FGF1: variants seen among roughly 807,000 people sequenced by gnomAD.
FGF1 encodes fibroblast growth factor 1, also known as beta-endothelial cell growth factor.
Under a neutral mutation model 13.4 loss-of-function variants are expected in FGF1, and 9 were observed. The observed-to-expected ratio is 0.67, with a 90% CI of 0.40 to 1.17. The LOEUF (loss-of-function observed/expected upper bound fraction) is 1.17. Ranked by LOEUF, FGF1 falls within the 50% of genes most tolerant of loss-of-function variation. The probability of loss-of-function intolerance (pLI) is 0.01; values close to 1 mark genes in which losing one functional copy is unlikely to be tolerated. For missense variants in FGF1, 156 were observed against 192.7 expected (o/e 0.81, Z 1.13); for synonymous variants, 93 against 79.0 (o/e 1.18, Z -0.94).
At chr5:142,602,145 A>G (rs546872209) in intron 2 of FGF1, among the ~76,000 whole-genome samples, 2 of 146,888 alleles carry the variant, frequency 1.4e-5, no homozygotes, top group South Asian at 2.1e-4. Context: ...GTAGATCTCG[A>G]CCCCTCATTG....
chr5:142,674,843 C>T (rs943351166), intron 1 of FGF1, among the ~76,000 whole-genome samples: 5 of 152,254 alleles, frequency 3.3e-5, no homozygotes, highest in East Asian at 3.9e-4. Context: ...ACTCCACACC[C>T]CTCCTCTGCC....
chr5:142,602,337 C>T (rs1203856321), intron 2 of FGF1, among the ~76,000 whole-genome samples: 2 of 151,964 alleles, frequency 1.3e-5, no homozygotes, highest in African/African-American at 2.4e-5. Context: ...CCACCATGCC[C>T]GGCTAATTTT....
chr5:142,634,211 A>G (rs1011444670), intron 1 of FGF1, among the ~76,000 whole-genome samples: 1 of 151,600 alleles, frequency 6.6e-6, no homozygotes, highest in African/African-American at 2.4e-5. Context: ...AAAAAAAAAA[A>G]AACTCCCTCT....
chr5:142,687,601 A>G (rs963723830), upstream of FGF1, among the ~76,000 whole-genome samples: 2 of 152,248 alleles, frequency 1.3e-5, no homozygotes, highest in Non-Finnish European at 2.9e-5. Context: ...GGGCCTTCTG[A>G]ATCCTTAAAG....
At position 142,595,249 on chromosome 5, in the gene FGF1, C is replaced by G. The variant is rs71640256; in HGVS notation, c.*41G>C. ...TTGGGTCAACCAGGTGAGGACCCCT[C>G]GAAACTTCTCTGGAGTGGTCAACAC... is the stretch of plus-strand genomic sequence containing the variant. On this transcript the variant is annotated 3_prime_UTR_variant, in exon 4 of 4. Transcript: ENST00000337706. The G allele has an allele frequency of 6.4e-7, 1 of 1,574,760 alleles. No individual in the cohort carries two copies. Among genetic ancestry groups the G allele is most frequent in the East Asian group, 2.2e-5 (1 of 44,540 alleles).
intron 1 of FGF1, among the ~76,000 whole-genome samples, chr5:142,657,668 G>T (rs1374062316): frequency 6.6e-6 from 1 of 152,228 alleles, no homozygotes; most frequent in Non-Finnish European, 1.5e-5. Flanking sequence ...CTGGCTGCTG[G>T]CTGCGGCTGC....
intron 2 of FGF1, among the ~76,000 whole-genome samples, chr5:142,608,587 CA>C (rs1758327613): frequency 1.2e-5 from 1 of 83,496 alleles, no homozygotes; most frequent in Non-Finnish European, 2.2e-5. Context: ...TATATATACA[CA>C]CACACACACA....
intron 1 of FGF1, among the ~76,000 whole-genome samples, chr5:142,624,076 T>C (rs970236657): frequency 2.0e-5 from 3 of 152,080 alleles, no homozygotes; most frequent in African/African-American, 7.2e-5. Flanking sequence ...CCCGCTACCA[T>C]ACCTGGCTAA....
chr5:142,681,754 G>A (rs947723137), intron 1 of FGF1, among the ~76,000 whole-genome samples: 1 of 152,166 alleles, frequency 6.6e-6, no homozygotes, highest in African/African-American at 2.4e-5. Flanking sequence ...GCCACTTGGT[G>A]GCTGTGTGAC....
rs192473755 is a variant in FGF1 at position 142,680,575 on chromosome 5, A to G, written c.-35+5382T>C. On this transcript the variant is annotated intron_variant, in intron 1 of 3. Transcript: ENST00000337706. ...CATAAAATGTGGGTAAAATAGTAAT[A>G]CCTCACTTATGGGATTGTTGTGAAG... 2.0e-5 allele frequency: 3 copies of G among 152,180 alleles called. No individual in the cohort carries two copies. In the East Asian group the frequency reaches 5.8e-4, roughly 29 times the overall value. 9.4% of individuals were successfully genotyped at this position (152,180 alleles called of 1,614,324 possible).
intron 1 of FGF1, among the ~76,000 whole-genome samples, chr5:142,618,929 G>GTTTTTTTTTTTTTT (rs869093279): frequency 6.5e-5 from 4 of 61,252 alleles, no homozygotes; most frequent in African/African-American, 1.4e-4. Flanking sequence ...TAGTTGTTTT[G>GTTTTTTTTTTTTTT]TTTTTTTTTT....
At chr5:142,692,781 A>T (rs1752446525) in intron 2 of FGF1, among the ~76,000 whole-genome samples, 1 of 152,082 alleles carries the variant, frequency 6.6e-6, no homozygotes, top group Admixed American at 6.6e-5. Flanking sequence ...TTTAACCCCA[A>T]ATTAAGAACT....
chr5:142,673,783 A>T (rs952016231), intron 1 of FGF1, among the ~76,000 whole-genome samples: 16 of 152,178 alleles, frequency 1.1e-4, no homozygotes, highest in Non-Finnish European at 2.1e-4. Context: ...TCTTTATAGG[A>T]GAATATCAAT....
chr5:142,642,904 T>G (rs1765421378), intron 1 of FGF1, among the ~76,000 whole-genome samples: 2 of 152,190 alleles, frequency 1.3e-5, no homozygotes, highest in African/African-American at 4.8e-5. Flanking sequence ...CATCAATGAA[T>G]GCCATGCATA....
rs116459128 is a variant in FGF1 at position 142,657,364 on chromosome 5, C to T, written c.-35+28593G>A. On this transcript the variant is annotated intron_variant, in intron 1 of 3. Transcript: ENST00000337706. Reference sequence around the variant, plus strand: ...CTTGCCCATCCACCTGCTCCCGCCCCGTTCTCTGCTTCTCTGCACAGCCCA... The same window carrying T: ...CTTGCCCATCCACCTGCTCCCGCCCTGTTCTCTGCTTCTCTGCACAGCCCA... 3.3e-3 allele frequency among the ~76,000 whole-genome samples: 507 copies of T among 152,344 alleles called. 4 individuals carry two copies. Among genetic ancestry groups the T allele is most frequent in the African/African-American group, 0.012 (487 of 41,576 alleles).
intron 1 of FGF1, among the ~76,000 whole-genome samples, chr5:142,632,534 G>A (rs941173831): frequency 6.6e-6 from 1 of 152,016 alleles, no homozygotes; most frequent in African/African-American, 2.4e-5. Flanking sequence ...AACCATAAGG[G>A]GATGATATAA....
At chr5:142,661,129 T>C (rs372893545) in intron 1 of FGF1, among the ~76,000 whole-genome samples, 3 of 152,358 alleles carry the variant, frequency 2.0e-5, no homozygotes, top group South Asian at 4.1e-4. Flanking sequence ...GCTCCACTCT[T>C]ACATTCATTC....
intron 1 of FGF1, among the ~76,000 whole-genome samples, chr5:142,615,063 CACTT>C (rs1759933128): frequency 6.6e-6 from 1 of 151,752 alleles, no homozygotes; most frequent in Non-Finnish European, 1.5e-5. Context: ...GAAAATGCAT[CACTT>C]ACACCTCAAA....
intron 1 of FGF1, among the ~76,000 whole-genome samples, chr5:142,662,212 A>C (rs1769384154): frequency 6.6e-6 from 1 of 152,174 alleles, no homozygotes; most frequent in African/African-American, 2.4e-5. Context: ...GACACTGTGA[A>C]TATACGAAAA....
Sources: allele counts gnomAD v4.1 joint callset (sites outside exome capture counted in the v4.1 genomes callset), GRCh38; gene constraint gnomAD v4.1.1; transcripts MANE v1.5; gene names NCBI Gene and HGNC (gene_info 2026-07-23, HGNC 2026-07-21).